The following CCDC110 variants were observed in gnomAD, a reference collection of about 807,000 sequenced individuals.
The protein encoded by CCDC110 is coiled-coil domain containing 110.
A neutral mutation model predicts 77.1 loss-of-function variants in CCDC110; 70 were observed. The ratio of observed to expected loss-of-function variants is 0.91; its 90% CI spans 0.75 to 1.11. CCDC110 has a LOEUF of 1.11. Among genes scored for constraint, CCDC110 ranks in the 50% least tolerant of loss-of-function variants. The pLI is 0.00. For synonymous variants in CCDC110, 295 were observed against 312.5 expected, an observed-to-expected ratio of 0.94 and a Z score of 0.59; for missense variants, 868 against 942.9, an observed-to-expected ratio of 0.92 and a Z score of 1.04.
chr4:185,446,165 C>G (rs1477709015), intron 6 of CCDC110, among the ~76,000 whole-genome samples: 2 of 152,172 alleles, frequency 1.3e-5, no homozygotes, highest in Admixed American at 1.3e-4. Flanking sequence ...TGATTGACTA[C>G]TTGTTAAGTT....
intron 6 of CCDC110, among the ~76,000 whole-genome samples, chr4:185,447,419 A>T (rs1003875413): frequency 1.1e-4 from 16 of 152,170 alleles, no homozygotes; most frequent in African/African-American, 3.4e-4. Context: ...TGACCTCGTG[A>T]TCCACCCACC....
At chr4:185,449,721 T>C in intron 6 of CCDC110, 1 of 1,017,518 alleles carries the variant, frequency 9.8e-7, no homozygotes, top group Non-Finnish European at 1.4e-6. Flanking sequence ...TGAAAAAATA[T>C]AAGATGTTAT....
At position 185,461,148 on chromosome 4, in the gene CCDC110, T is replaced by A. The variant is rs758273732; in HGVS notation, c.249A>T (p.Glu83Asp). 3 of 1,538,774 alleles carry A rather than the reference T, an allele frequency of 1.9e-6. No individual in the cohort carries two copies. Among genetic ancestry groups the A allele is most frequent in the Admixed American group, 1.9e-5 (1 of 52,124 alleles). The change falls in exon 5 of 7, where the codon GAA becomes GAT. Residue 83 changes from glutamate to aspartate, a missense_variant. Glu to Asp is a conservative substitution (Grantham distance 45). Transcript: ENST00000307588. ...TACTTTTGTTCAATATTTCACTGATTTCCGACTGTACCTTTAAAAGATAAA... is the reference window on the plus strand; with the variant it reads ...TACTTTTGTTCAATATTTCACTGATATCCGACTGTACCTTTAAAAGATAAA... ...TLQNVSMVQS[E>D]ISEILNKSII... is the part of the protein sequence containing the mutation.
intron 2 of CCDC110, among the ~76,000 whole-genome samples, chr4:185,466,756 T>C (rs1227399962): frequency 1.3e-5 from 2 of 151,926 alleles, no homozygotes; most frequent in African/African-American, 4.8e-5. Flanking sequence ...TTTTTTTTTT[T>C]TTAAACCACA....
intron 4 of CCDC110, among the ~76,000 whole-genome samples, chr4:185,462,184 G>T (rs947391207): frequency 6.6e-6 from 1 of 152,220 alleles, no homozygotes; most frequent in South Asian, 2.1e-4. Context: ...ACCACAGGGA[G>T]TCTGAGAATC....
At chr4:185,457,722 A>G (rs2095638031) in intron 6 of CCDC110, 13 of 1,252,042 alleles carry the variant, frequency 1.0e-5, no homozygotes, top group Non-Finnish European at 1.3e-5. Flanking sequence ...TTGTGGGGGG[A>G]AAAAGTACTT....
chr4:185,458,060 C>G (rs1288556670), intron 6 of CCDC110, 66 bp downstream of exon 6: 2 of 1,100,912 alleles, frequency 1.8e-6, no homozygotes, highest in East Asian at 2.6e-5. Context: ...TTTCTGTACT[C>G]TGTAGTGCCC....
rs1213307549 is a variant in CCDC110 at position 185,468,878 on chromosome 4, A to G, written c.115+2067T>C. 2.0e-5 allele frequency among the ~76,000 whole-genome samples: 3 copies of G among 152,226 alleles called. No homozygotes were observed. Among genetic ancestry groups the G allele is most frequent in the African/African-American group, 7.2e-5 (3 of 41,468 alleles). ...ACTAGAAGGTAAGCTCCATGTGGGC[A>G]GGGAATCTTGCAAGTCTTGTTCACT... is the stretch of plus-strand genomic sequence containing the variant. On this transcript the variant is annotated intron_variant, in intron 2 of 6. Coordinates refer to ENST00000307588, the MANE Select transcript of CCDC110 (RefSeq NM_152775.4). The surrounding 1 kb of genome is among the most constrained non-coding windows in gnomAD (Gnocchi z 4.5).
chr4:185,459,278 C>G lies in CCDC110; in HGVS notation c.1309G>C (p.Glu437Gln). ...ACTTTTTTCTGTATCTGCACAGATT[C>G]TTTTAGGTAATTCTGTAAGTACTGA... ...KIQYLQNYLK[E>Q]SVQIQKKVME... Residue 437 changes from glutamate (E) to glutamine (Q), a missense_variant, in exon 6 of 7, where the codon GAA (glutamate) becomes CAA (glutamine). Glu to Gln is a conservative substitution (Grantham distance 29). Transcript: ENST00000307588. 6.2e-7 allele frequency: 1 copy of G among 1,613,026 alleles called. No individual in the cohort carries two copies. Among genetic ancestry groups the G allele is most frequent in the Non-Finnish European group, 8.5e-7 (1 of 1,179,430 alleles).
chr4:185,469,152 T>G (rs1301117853), intron 2 of CCDC110, among the ~76,000 whole-genome samples: 1 of 152,256 alleles, frequency 6.6e-6, no homozygotes, highest in African/African-American at 2.4e-5. Flanking sequence ...GCAGTAGTTA[T>G]GCAAATCAGG....
At chr4:185,450,296 T>C (rs1351605713) in intron 6 of CCDC110, among the ~76,000 whole-genome samples, 1 of 152,242 alleles carries the variant, frequency 6.6e-6, no homozygotes, top group Non-Finnish European at 1.5e-5. Context: ...ATAAAAATTC[T>C]GAAGTTGGAA....
At chr4:185,455,889 A>AG (rs1488846070) in intron 6 of CCDC110, among the ~76,000 whole-genome samples, 1 of 151,936 alleles carries the variant, frequency 6.6e-6, no homozygotes, top group African/African-American at 2.4e-5. Flanking sequence ...CATCTCAAAA[A>AG]AAAAATATTA....
In CCDC110 at chr4:185,468,582, G is replaced by A. The variant is rs183652166; in HGVS notation, c.115+2363C>T. Among the ~76,000 whole-genome samples, 5 of 152,204 alleles carry A rather than the reference G, an allele frequency of 3.3e-5. No homozygotes were observed. The highest frequency in any genetic ancestry group is 3.3e-4 in the Admixed American group (5 of 15,282). ...ACCGTTCCTCAATCACACCAGCCAC[G>A]CTCCCACCACAGGGTCTTTGCAGTT... On this transcript the variant is annotated intron_variant, in intron 2 of 6. Coordinates refer to ENST00000307588, the MANE Select transcript of CCDC110 (RefSeq NM_152775.4). The surrounding 1 kb of genome is among the most constrained non-coding windows in gnomAD (Gnocchi z 4.5).
At chr4:185,463,142 T>G (rs1470563935) in intron 2 of CCDC110, 93 bp from the exon 3 acceptor site, 11 of 868,962 alleles carry the variant, frequency 1.3e-5, no homozygotes, top group Admixed American at 6.0e-5. Flanking sequence ...CTTGCTTGGA[T>G]AGTGAGGCAG....
chr4:185,453,255 C>A (rs2095631654), intron 6 of CCDC110, among the ~76,000 whole-genome samples: 1 of 152,074 alleles, frequency 6.6e-6, no homozygotes, highest in South Asian at 2.1e-4. Flanking sequence ...ACCACTAGAT[C>A]ATTATCCATC....
intron 2 of CCDC110, among the ~76,000 whole-genome samples, chr4:185,465,474 T>G (rs1172857552): frequency 6.6e-6 from 1 of 152,226 alleles, no homozygotes; most frequent in Non-Finnish European, 1.5e-5. Context: ...TCACCGTGAT[T>G]GCACTGTTAC....
At chr4:185,447,329 C>T (rs973550566) in intron 6 of CCDC110, among the ~76,000 whole-genome samples, 2 of 151,914 alleles carry the variant, frequency 1.3e-5, no homozygotes, top group South Asian at 4.2e-4. Context: ...CTACAGGCGC[C>T]CGCCACCACG....
At chr4:185,447,095 G>A (rs1379085578) in intron 6 of CCDC110, among the ~76,000 whole-genome samples, 1 of 151,596 alleles carries the variant, frequency 6.6e-6, no homozygotes, top group Non-Finnish European at 1.5e-5. Context: ...TCTCAAACCT[G>A]TCTTTTATGT....
intron 2 of CCDC110, among the ~76,000 whole-genome samples, chr4:185,464,084 G>C (rs2095651234): frequency 6.6e-6 from 1 of 152,110 alleles, no homozygotes; most frequent in Admixed American, 6.6e-5. Context: ...TGCTTGCTTT[G>C]TAAACTTTTT....
Sources: allele counts gnomAD v4.1 joint callset (sites outside exome capture counted in the v4.1 genomes callset), GRCh38; gene constraint gnomAD v4.1.1; non-coding constraint Gnocchi (gnomAD v3.1); transcripts MANE v1.5; gene names NCBI Gene and HGNC (gene_info 2026-07-23, HGNC 2026-07-21).